The following ZNF568 variants were observed in gnomAD, a reference collection of about 807,000 sequenced individuals.
ZNF568 encodes zinc finger protein 568, also known as p53 inhibitor of SCO2 activation.
Under a neutral mutation model 18.1 loss-of-function variants are expected in ZNF568, and 11 were observed. The ratio of observed to expected loss-of-function variants is 0.61; its 90% confidence interval spans 0.38 to 1.00. The LOEUF (loss-of-function observed/expected upper bound fraction) is 1.00. Among genes scored for constraint, ZNF568 ranks in the 50% least tolerant of loss-of-function variants. The probability of loss-of-function intolerance (pLI) is 0.01; values close to 1 mark genes in which losing one functional copy is unlikely to be tolerated. For missense variants in ZNF568, 639 were observed against 768.2 expected (o/e 0.83, Z 1.99); for synonymous variants, 213 against 246.6 (o/e 0.86, Z 1.28).
At chr19:36,964,640 C>T (rs1210982887) in intron 6 of ZNF568, among the ~76,000 whole-genome samples, 3 of 152,030 alleles carry the variant, frequency 2.0e-5, no homozygotes, top group Admixed American at 2.0e-4. Flanking sequence ...TAGTGAGACC[C>T]TGTGTCTACA....
At position 36,971,696 on chromosome 19, in the gene ZNF568, G is replaced by A. The variant is rs147940875; in HGVS notation, c.359-2724G>A. On this transcript the variant is annotated intron_variant, in intron 6 of 7. Coordinates refer to the ZNF568 transcript ENST00000427117. ...TGGGACTACAGGTGCACACCACCAC[G>A]CCAGGCTAATTTTTGTATTTTTAGG... Among the ~76,000 whole-genome samples, 240 of 150,914 alleles carry A rather than the reference G, an allele frequency of 1.6e-3. 2 individuals carry two copies. Among genetic ancestry groups the A allele is most frequent in the African/African-American group, 5.7e-3 (234 of 41,070 alleles).
Position 36,935,403 on chromosome 19 carries a change from TA to T in ZNF568, c.136-1342del, listed in dbSNP as rs2073772848. ...GGTGAAACCCCATCTCTACTAAAAA[TA>T]CAAAAATTAGCCGGGTGCGGTGGCA... On this transcript the variant is annotated intron_variant, in intron 4 of 6. Coordinates refer to ENST00000333987, the MANE Select transcript of ZNF568 (RefSeq NM_198539.4). Among the ~76,000 whole-genome samples, 3 of 151,714 alleles carry T rather than the reference TA, an allele frequency of 2.0e-5. No homozygotes were observed. In the South Asian group the frequency reaches 6.2e-4, roughly 32 times the overall value.
intron 6 of ZNF568, among the ~76,000 whole-genome samples, chr19:36,942,429 C>T (rs1726158334): frequency 6.6e-6 from 1 of 151,392 alleles, no homozygotes; most frequent in South Asian, 2.1e-4. Flanking sequence ...GAAACCCCAT[C>T]TCTATTAAAA....
chr19:36,988,794 G>A (rs2074398697), intron 2 of ZNF568, among the ~76,000 whole-genome samples: 1 of 152,130 alleles, frequency 6.6e-6, no homozygotes, highest in South Asian at 2.1e-4. Context: ...GGTATAATGA[G>A]CCAGTCAGGG....
intron 4 of ZNF568, among the ~76,000 whole-genome samples, chr19:36,932,416 T>C (rs2073702984): frequency 6.6e-6 from 1 of 152,104 alleles, no homozygotes; most frequent in Non-Finnish European, 1.5e-5. Flanking sequence ...GGTGAAACCC[T>C]GTCTGTACTA....
exon 5 of ZNF568, chr19:36,996,730 G>A (rs935706): frequency 0.53 from 808,291 of 1,536,624 alleles, 214,964 homozygotes; most frequent in African/African-American, 0.61. Context: ...TAACAAATGT[G>A]CCTTTAATCA....
chr19:36,955,755 A>C (rs761380248), downstream of ZNF568, among the ~76,000 whole-genome samples: 2 of 152,096 alleles, frequency 1.3e-5, no homozygotes, highest in African/African-American at 2.4e-5. Context: ...TAGACACAGC[A>C]GTAGAAATTG....
intron 6 of ZNF568, among the ~76,000 whole-genome samples, chr19:36,945,767 A>G (rs11672817): frequency 1.6e-4 from 24 of 149,566 alleles, no homozygotes; most frequent in African/African-American, 5.7e-4. Flanking sequence ...GTGTGTATGT[A>G]TGTGTGTGTG....
chr19:36,918,018 G>A (rs543842813), intron 2 of ZNF568, among the ~76,000 whole-genome samples: 2 of 152,050 alleles, frequency 1.3e-5, no homozygotes, highest in Non-Finnish European at 2.9e-5. Flanking sequence ...GCACGGTCTC[G>A]GCTCACTGCA....
Position 36,950,701 on chromosome 19 carries a change from C to T in ZNF568, c.1548C>T (p.Asn516=). The part of the protein sequence containing the change: ...VCGKAFSQKS[N]LTEHEKIHTG... ...GAAAAGCCTTTAGTCAGAAATCAAACCTCACTGAACATGAGAAAATTCATA... is the reference window on the plus strand; with the variant it reads ...GAAAAGCCTTTAGTCAGAAATCAAATCTCACTGAACATGAGAAAATTCATA... The change falls in exon 7 of 7, where the codon AAC becomes AAT. Residue 516 remains asparagine, a synonymous_variant. Transcript: ENST00000333987. 1.2e-6 allele frequency: 2 copies of T among 1,613,590 alleles called. No homozygotes were observed. Among genetic ancestry groups the T allele is most frequent in the East Asian group, 4.5e-5 (2 of 44,836 alleles).
chr19:36,997,724 A>T (rs2074492431), downstream of ZNF568: 2 of 754,676 alleles, frequency 2.7e-6, no homozygotes, highest in Non-Finnish European at 4.3e-6. Flanking sequence ...GAATGAAGAA[A>T]TGAGGGATGG....
chr19:36,983,893 CTTTTTTT>C (rs57048125), downstream of ZNF568, among the ~76,000 whole-genome samples: 1 of 108,570 alleles, frequency 9.2e-6, no homozygotes, highest in Non-Finnish European at 1.7e-5. Context: ...CAACTTTGTC[CTTTTTTT>C]TTTTTTTTTT....
intron 6 of ZNF568, chr19:36,973,630 C>G (rs577463120): frequency 6.5e-6 from 1 of 153,006 alleles, no homozygotes; most frequent in African/African-American, 2.4e-5. Context: ...GACTAAAAGT[C>G]CGGGCAGTTC....
chr19:36,987,851 T>TGTGTATGTGTGTG (rs1568408488), intron 2 of ZNF568, among the ~76,000 whole-genome samples: 1 of 147,176 alleles, frequency 6.8e-6, no homozygotes, highest in African/African-American at 2.5e-5. Flanking sequence ...TGTGTGTGTG[T>TGTGTATGTGTGTG]TGGGGTACCA....
At position 36,997,003 on chromosome 19, in the gene ZNF568, CT is replaced by C. The variant is rs1345353981; in HGVS notation, c.921del (p.Arg308AspfsTer27). 4.5e-6 allele frequency: 7 copies of C among 1,550,992 alleles called. No homozygotes were observed. The highest frequency in any genetic ancestry group is 1.2e-5 in the South Asian group (1 of 85,072). ...GAAGGCCTTTACCCGTCCCTCACAC[CT>C]TTTTCGACATCAAAGAATCCATACG... On this transcript the variant is annotated frameshift_variant, in exon 5 of 5. Transcript: ENST00000433993. LOFTEE classifies it low-confidence loss of function (END_TRUNC).
intron 7 of ZNF568, chr19:36,978,902 A>T (rs2074306983): frequency 1.1e-5 from 3 of 282,162 alleles, no homozygotes; most frequent in Admixed American, 1.0e-4. Context: ...GCATCTATGA[A>T]ACCTGTGTCA....
Position 36,922,760 on chromosome 19 carries a change from G to T in ZNF568, c.-11G>T, listed in dbSNP as rs766637799. ...GTCTTGACCCTTCTGCCCAGAGCAG[G>T]CAGGGTCTGAATGACATCTCAATCT... On this transcript the variant is annotated 5_prime_UTR_variant, in exon 3 of 7. Transcript: ENST00000333987. 4 of 1,613,668 alleles carry T rather than the reference G, an allele frequency of 2.5e-6. No individual in the cohort carries two copies. The South Asian group carries it at 4.4e-5, about 18-fold the overall frequency.
At chr19:36,996,788 C>T in exon 5 of ZNF568, 15 of 1,553,108 alleles carry the variant, frequency 9.7e-6, no homozygotes, top group Non-Finnish European at 1.3e-5. Flanking sequence ...GGAGAGAAAC[C>T]TCATAAATGT....
intron 3 of ZNF568, among the ~76,000 whole-genome samples, chr19:36,924,278 G>A (rs949284945): frequency 6.6e-6 from 1 of 151,826 alleles, no homozygotes; most frequent in Non-Finnish European, 1.5e-5. Flanking sequence ...GAGTGCAGTG[G>A]TGTGATCTCG....
Sources: gnomAD v4.1 joint callset for allele counts (sites outside exome capture counted in the v4.1 genomes callset) on GRCh38, gnomAD v4.1.1 for gene constraint, MANE v1.5 for transcripts, NCBI Gene and HGNC (gene_info 2026-07-23, HGNC 2026-07-21) for gene names.